The following PPARD variants were observed in gnomAD, a reference collection of about 807,000 sequenced individuals.
PPARD encodes the protein peroxisome proliferator activated receptor delta.
Under a neutral mutation model 39.5 loss-of-function variants are expected in PPARD, and 6 were observed. That is an observed-to-expected ratio of 0.15 (90% CI 0.08 to 0.30). The LOEUF (loss-of-function observed/expected upper bound fraction) is 0.30. Among genes scored for constraint, PPARD ranks in the 10% least tolerant of loss-of-function variants. The pLI is 1.00. For missense variants in PPARD, 397 were observed against 596.8 expected, an observed-to-expected ratio of 0.67 and a Z score of 3.49; for synonymous variants, 210 against 231.3, an observed-to-expected ratio of 0.91 and a Z score of 0.83.
At chr6:35,355,826 T>C (rs1761580036) in intron 2 of PPARD, among the ~76,000 whole-genome samples, 1 of 151,700 alleles carries the variant, frequency 6.6e-6, no homozygotes, top group Non-Finnish European at 1.5e-5. Flanking sequence ...TTAGCCAGGA[T>C]GGTCTCGATC....
rs756846748 is a variant in PPARD, at chr6:35,425,265, C to T, written c.1078+486C>T. 1 of 1,002,660 alleles carries T rather than the reference C, an allele frequency of 1.0e-6. No individual in the cohort carries two copies. Among genetic ancestry groups the T allele is most frequent in the Admixed American group, 5.2e-5 (1 of 19,056 alleles). 62.1% of individuals were successfully genotyped at this position (1,002,660 alleles called of 1,614,324 possible). On this transcript the variant is annotated intron_variant, in intron 7 of 7. Transcript: ENST00000360694. This position sits in a 1 kb window ranked among gnomAD's most constrained non-coding sequence, Gnocchi z 4.5. ...CTCCAGCCTGGGTGACAGAGTGAGA[C>T]CCTGTCTCAAAAAAAAGGAAAAGGA...
At chr6:35,373,358 A>G (rs1305332479) in intron 2 of PPARD, among the ~76,000 whole-genome samples, 1 of 152,224 alleles carries the variant, frequency 6.6e-6, no homozygotes, top group Non-Finnish European at 1.5e-5. Flanking sequence ...AATAATTATT[A>G]GGTATCGCTA....
At position 35,425,683 on chromosome 6, in the gene PPARD, C is replaced by A; in HGVS notation, c.1079-149C>A. 1.6e-6 allele frequency: 2 copies of A among 1,233,358 alleles called. No homozygotes were observed. Among genetic ancestry groups the A allele is most frequent in the Non-Finnish European group, 2.2e-6 (2 of 890,850 alleles). 76.4% of individuals were successfully genotyped at this position (1,233,358 alleles called of 1,614,324 possible). A position where few individuals can be genotyped will look rare whatever the true frequency, so the allele number is the denominator to read the frequency against. On this transcript the variant is annotated intron_variant, in intron 7 of 7. Transcript: ENST00000360694. The surrounding 1 kb of genome is among the most constrained non-coding windows in gnomAD (Gnocchi z 4.5). ...AAGACCAGGGGTAGGGAGATTAGAA[C>A]ACCCAGTGGAGCATTGCTGATGGGA...
At chr6:35,355,737 G>A (rs943566259) in intron 2 of PPARD, among the ~76,000 whole-genome samples, 3 of 147,004 alleles carry the variant, frequency 2.0e-5, no homozygotes, top group Non-Finnish European at 4.5e-5. Flanking sequence ...TCAGCCTCCC[G>A]AGTAGCTGGG....
chr6:35,371,227 C>T (rs1762463645), intron 2 of PPARD, among the ~76,000 whole-genome samples: 1 of 152,074 alleles, frequency 6.6e-6, no homozygotes, highest in Non-Finnish European at 1.5e-5. Flanking sequence ...GACCCTGCCC[C>T]CTAGGAGGGT....
intron 2 of PPARD, among the ~76,000 whole-genome samples, chr6:35,350,001 C>G: frequency 6.6e-6 from 1 of 152,186 alleles, no homozygotes; most frequent in Admixed American, 6.6e-5. Flanking sequence ...CTCAGCCTCC[C>G]AAAATGTTGG....
chr6:35,402,384 G>A (rs1764755562), intron 2 of PPARD, among the ~76,000 whole-genome samples: 1 of 152,224 alleles, frequency 6.6e-6, no homozygotes, highest in African/African-American at 2.4e-5. Flanking sequence ...TCCCAGTGGA[G>A]AGGTGATGCA....
At chr6:35,399,054 A>T (rs1188336204) in intron 2 of PPARD, among the ~76,000 whole-genome samples, 1 of 152,040 alleles carries the variant, frequency 6.6e-6, no homozygotes, top group Admixed American at 6.6e-5. Flanking sequence ...CAGAAGTTGC[A>T]GTGAGCTGAG....
intron 2 of PPARD, among the ~76,000 whole-genome samples, chr6:35,355,809 C>T (rs1761577635): frequency 6.6e-6 from 1 of 151,558 alleles, no homozygotes; most frequent in Admixed American, 6.6e-5. Flanking sequence ...GACAGGGTTT[C>T]ACGGTGTTAG....
intron 2 of PPARD, among the ~76,000 whole-genome samples, chr6:35,372,713 C>T (rs1165784294): frequency 6.6e-6 from 1 of 152,148 alleles, no homozygotes; most frequent in Non-Finnish European, 1.5e-5. Flanking sequence ...TGGAATTATG[C>T]CTATATGAGA....
At chr6:35,368,878 C>T (rs1212187256) in intron 2 of PPARD, among the ~76,000 whole-genome samples, 1 of 152,190 alleles carries the variant, frequency 6.6e-6, no homozygotes, top group Non-Finnish European at 1.5e-5. Context: ...AGTCAGCAGA[C>T]ACTCCCTAAC....
In PPARD at chr6:35,373,727, G is replaced by C. The variant is rs1367023455; in HGVS notation, c.-102+26577G>C. Among the ~76,000 whole-genome samples, 8 of 151,662 alleles carry C rather than the reference G, an allele frequency of 5.3e-5. No homozygotes were observed. The South Asian group carries it at 1.7e-3, about 32-fold the overall frequency. ...GTGTCATCCAGGCTGGAGTGCAGTG[G>C]TGCAATCTCAGCTCACAGCAGCCCT... On this transcript the variant is annotated intron_variant, in intron 2 of 7. Transcript: ENST00000360694.
At chr6:35,348,176 G>A (rs1253116391) in intron 2 of PPARD, among the ~76,000 whole-genome samples, 2 of 152,176 alleles carry the variant, frequency 1.3e-5, no homozygotes, top group Admixed American at 6.5e-5. Context: ...CCAGAGTGCT[G>A]GGATTACAGA....
chr6:35,420,675 G>C (rs1249895452), intron 4 of PPARD, among the ~76,000 whole-genome samples: 1 of 152,082 alleles, frequency 6.6e-6, no homozygotes, highest in Admixed American at 6.5e-5. Context: ...TGATATTTGT[G>C]GGTCCTTCCT....
At chr6:35,350,612 CT>C (rs959545502) in intron 2 of PPARD, among the ~76,000 whole-genome samples, 2,155 of 104,542 alleles carry the variant, frequency 0.021, 20 homozygotes, top group African/African-American at 0.052. Context: ...GTCTATGTGT[CT>C]TTTTTTTTTT....
chr6:35,393,300 G>A (rs1764124831), intron 2 of PPARD, among the ~76,000 whole-genome samples: 3 of 152,280 alleles, frequency 2.0e-5, no homozygotes, highest in South Asian at 2.1e-4. Context: ...ACAGACTCCC[G>A]GTCATCACTG....
chr6:35,351,011 C>T (rs1300912913), intron 2 of PPARD, among the ~76,000 whole-genome samples: 1 of 151,966 alleles, frequency 6.6e-6, no homozygotes, highest in Non-Finnish European at 1.5e-5. Flanking sequence ...CCTTTAGATT[C>T]TTTTTTTGTT....
rs778832388 is a variant in PPARD, at chr6:35,425,360, A to T, written c.1079-472A>T. ...GTCTGCATTTTTTCTGCATTTTTAA[A>T]ATTCCAACACAATAAATACAATAAT... On this transcript the variant is annotated intron_variant, in intron 7 of 7. Transcript: ENST00000360694. The surrounding 1 kb of genome is among the most constrained non-coding windows in gnomAD (Gnocchi z 4.5). 68 of 1,011,184 alleles carry T rather than the reference A, an allele frequency of 6.7e-5. 1 individual carries two copies. The highest frequency in any genetic ancestry group is 7.9e-5 in the Non-Finnish European group (67 of 845,722). 62.6% of individuals were successfully genotyped at this position (1,011,184 alleles called of 1,614,324 possible).
chr6:35,411,343 G>A (rs538459093), intron 3 of PPARD, 126 bp downstream of exon 3: 27 of 1,212,314 alleles, frequency 2.2e-5, no homozygotes, highest in East Asian at 5.8e-5. Context: ...GACTGGAGCC[G>A]GAAGCCTGGG....
Sources: gnomAD v4.1 joint callset for allele counts (sites outside exome capture counted in the v4.1 genomes callset) on GRCh38, gnomAD v4.1.1 for gene constraint, Gnocchi (gnomAD v3.1) non-coding constraint, MANE v1.5 for transcripts, NCBI Gene and HGNC (gene_info 2026-07-23, HGNC 2026-07-21) for gene names.